GOLGA1: variants seen among roughly 807,000 people sequenced by gnomAD.
The protein encoded by GOLGA1 is golgin subfamily A member 1.
GOLGA1 carries 63 observed loss-of-function variants against 119.7 expected under a neutral mutation model. The observed-to-expected ratio is 0.53, with a 90% CI of 0.43 to 0.65. GOLGA1 has a LOEUF of 0.65. GOLGA1 is among the 30% of genes least tolerant of loss of function. The pLI is 0.00. For missense variants in GOLGA1, 798 were observed against 912.8 expected, an observed-to-expected ratio of 0.87 and a Z score of 1.62; for synonymous variants, 318 against 333.4, an observed-to-expected ratio of 0.95 and a Z score of 0.50.
Position 124,929,219 on chromosome 9 carries a change from C to T in GOLGA1, c.298G>A (p.Asp100Asn). The change falls in exon 5 of 23, where the codon GAT becomes AAT. Residue 100 changes from aspartate to asparagine, a missense_variant. Coordinates refer to ENST00000373555, the MANE Select transcript of GOLGA1 (RefSeq NM_002077.4). Reference protein sequence around the residue: ...KLEIALEKHQDSSMRKFQEQN... With the variant: ...KLEIALEKHQNSSMRKFQEQN... Reference sequence around the variant, plus strand: ...AAAGCAGGAAAAAAATACGTACAATCCTGGTGTTTTTCTAATGCAATTTCA... The same window carrying T: ...AAAGCAGGAAAAAAATACGTACAATTCTGGTGTTTTTCTAATGCAATTTCA... 1 of 1,577,628 alleles carries T rather than the reference C, an allele frequency of 6.3e-7. No individual in the cohort carries two copies. The highest frequency in any genetic ancestry group is 8.7e-7 in the Non-Finnish European group (1 of 1,146,946).
At chr9:124,892,997 C>T (rs1381921769) in intron 15 of GOLGA1, among the ~76,000 whole-genome samples, 1 of 151,312 alleles carries the variant, frequency 6.6e-6, no homozygotes, top group African/African-American at 2.4e-5. Flanking sequence ...TATATGTTTA[C>T]ATTTAAATTT....
At chr9:124,895,825 C>T (rs1046001651) in intron 15 of GOLGA1, among the ~76,000 whole-genome samples, 2 of 149,638 alleles carry the variant, frequency 1.3e-5, no homozygotes, top group Non-Finnish European at 3.0e-5. Context: ...CAACAGAGAA[C>T]CCTCCACAAC....
chr9:124,901,311 A>C (rs1476531287), intron 12 of GOLGA1, among the ~76,000 whole-genome samples: 1 of 126,690 alleles, frequency 7.9e-6, no homozygotes, highest in African/African-American at 3.1e-5. Context: ...TCACTCTGTC[A>C]TCAGGCTGGA....
At chr9:124,910,343 G>T (rs1369873214) in intron 11 of GOLGA1, among the ~76,000 whole-genome samples, 1 of 152,204 alleles carries the variant, frequency 6.6e-6, no homozygotes, top group African/African-American at 2.4e-5. Context: ...GGGATTACAG[G>T]CGTGAGCCAC....
chr9:124,898,511 A>G, intron 15 of GOLGA1, 38 bp downstream of exon 15: 1 of 1,171,056 alleles, frequency 8.5e-7, no homozygotes, highest in South Asian at 1.2e-5. Flanking sequence ...AGAAAACATG[A>G]ACACTTTTAT....
At chr9:124,906,116 AAAATAAATAAAT>A (rs60890510) in intron 12 of GOLGA1, among the ~76,000 whole-genome samples, 3 of 145,038 alleles carry the variant, frequency 2.1e-5, no homozygotes, top group East Asian at 2.1e-4. Flanking sequence ...GTGTCTCCAA[AAAATAAATAAAT>A]AAATAAATAA....
Position 124,889,230 on chromosome 9 carries a change from C to T in GOLGA1, c.1674G>A (p.Glu558=), listed in dbSNP as rs1588058819. ...ELEALRTLKA[E]EAAVVAEQED... is the part of the protein sequence containing the mutation. ...CCTGCTCCGCGACCACTGCAGCCTC[C>T]TCCGCCTTGAGGGTCCTCAGGGCCT... is the stretch of plus-strand genomic sequence containing the variant. The change falls in exon 18 of 23, where the codon GAG becomes GAA. Residue 558 remains glutamate, a synonymous_variant. Coordinates refer to ENST00000373555, the MANE Select transcript of GOLGA1 (RefSeq NM_002077.4). 6.2e-7 allele frequency: 1 copy of T among 1,613,714 alleles called. No individual in the cohort carries two copies. The highest frequency in any genetic ancestry group is 8.5e-7 in the Non-Finnish European group (1 of 1,179,932).
At chr9:124,945,291 C>G (rs1350518719), upstream of GOLGA1, 1 of 152,212 alleles carries the variant, frequency 6.6e-6, no homozygotes, top group East Asian at 1.9e-4. Context: ...CACAGTGGCT[C>G]ACACCTGTAA....
At position 124,926,708 on chromosome 9, in the gene GOLGA1, C is replaced by T. The variant is rs762324481; in HGVS notation, c.432+1G>A. 6 of 1,579,236 alleles carry T rather than the reference C, an allele frequency of 3.8e-6. No individual in the cohort carries two copies. In the South Asian group the frequency reaches 5.5e-5, roughly 15 times the overall value. ...TGAGACAAAAATAAAGATGAACTAA[C>T]CTTTTCAAGCTGATCCATCTTTTCT... On this transcript the variant is annotated splice_donor_variant, in intron 7 of 22. Transcript: ENST00000373555. LOFTEE classifies it high-confidence loss of function.
Position 124,912,029 on chromosome 9 carries a change from G to A in GOLGA1, c.844-3C>T, listed in dbSNP as rs1830351187. 1 of 1,612,056 alleles carries A rather than the reference G, an allele frequency of 6.2e-7. No homozygotes were observed. On this transcript the variant is annotated splice_polypyrimidine_tract_variant and splice_region_variant and intron_variant, in intron 10 of 22. Transcript: ENST00000373555. Reference sequence around the variant, plus strand: ...TTCTCTTGAGTTTCAGCAGTGACCTGCAGGTGAAAGCAGAGATCACTCTAT... The same window carrying A: ...TTCTCTTGAGTTTCAGCAGTGACCTACAGGTGAAAGCAGAGATCACTCTAT...
At position 124,936,834 on chromosome 9, in the gene GOLGA1, T is replaced by C. The variant is rs188918281; in HGVS notation, c.135+1743A>G. On this transcript the variant is annotated intron_variant, in intron 3 of 22. Transcript: ENST00000373555. ...TTTTATAAGCATGTTGAATTAAATT[T>C]TAAAAAAGGAAATCCAAGAAGTCTA... Among the ~76,000 whole-genome samples the C allele has an allele frequency of 2.2e-3, 342 of 152,284 alleles. 1 individual carries two copies. Among genetic ancestry groups the C allele is most frequent in the African/African-American group, 7.9e-3 (329 of 41,564 alleles).
intron 8 of GOLGA1, 76 bp downstream of exon 8, chr9:124,923,019 T>G: frequency 1.1e-6 from 1 of 910,654 alleles, no homozygotes; most frequent in Non-Finnish European, 1.8e-6. Context: ...TATCAGCAAT[T>G]AGAGAGTGAT....
At chr9:124,912,634 C>G (rs558726672) in intron 10 of GOLGA1, among the ~76,000 whole-genome samples, 64 of 152,328 alleles carry the variant, frequency 4.2e-4, no homozygotes, top group Admixed American at 7.8e-4. Context: ...CATCCACCTC[C>G]TGGGTTTACG....
At chr9:124,899,700 G>A (rs1238584708) in intron 13 of GOLGA1, among the ~76,000 whole-genome samples, 1 of 152,224 alleles carries the variant, frequency 6.6e-6, no homozygotes, top group African/African-American at 2.4e-5. Flanking sequence ...CCATCCTCAA[G>A]GTGTGTGGGG....
At chr9:124,900,598 G>T (rs1303759804) in intron 12 of GOLGA1, 51 bp from the exon 13 acceptor site, 13 of 837,796 alleles carry the variant, frequency 1.6e-5, no homozygotes, top group Non-Finnish European at 2.4e-5. Flanking sequence ...CTGAAGAGTG[G>T]TAACAAATGG....
chr9:124,905,673 C>T (rs1052386380), intron 12 of GOLGA1, among the ~76,000 whole-genome samples: 1 of 151,930 alleles, frequency 6.6e-6, no homozygotes, highest in Non-Finnish European at 1.5e-5. Flanking sequence ...ATAAAGTTGT[C>T]ATTTTTTCAT....
At chr9:124,935,042 T>G (rs902324156) in intron 3 of GOLGA1, among the ~76,000 whole-genome samples, 1 of 151,982 alleles carries the variant, frequency 6.6e-6, no homozygotes, top group East Asian at 1.9e-4. Context: ...AAGAGATCCC[T>G]GTCTCAAAGA....
At position 124,881,941 on chromosome 9, in the gene GOLGA1, TC is replaced by T; in HGVS notation, c.1978del (p.Asp660IlefsTer28). On this transcript the variant is annotated frameshift_variant, in exon 21 of 23. Coordinates refer to ENST00000373555, the MANE Select transcript of GOLGA1 (RefSeq NM_002077.4). LOFTEE classifies it high-confidence loss of function. The surrounding 1 kb of genome is among the most constrained non-coding windows in gnomAD (Gnocchi z 4.9). ...CTCCCGGACTTCGAAGAGCTCATTA[TC>T]GGGTCTGATTTTCTGAAAAACCAGT... ...TLQKELKIRP[D>X]NELFEVREKP... 1 of 1,605,720 alleles carries T rather than the reference TC, an allele frequency of 6.2e-7. No individual in the cohort carries two copies.
At chr9:124,947,121 CAA>C (rs1159129295) in intron 1 of GOLGA1, 2 of 152,096 alleles carry the variant, frequency 1.3e-5, no homozygotes, top group Non-Finnish European at 2.9e-5. Context: ...ATAAAAATGA[CAA>C]CTGGGAATAT....
Sources: allele counts gnomAD v4.1 joint callset (sites outside exome capture counted in the v4.1 genomes callset), GRCh38; gene constraint gnomAD v4.1.1; non-coding constraint Gnocchi (gnomAD v3.1); transcripts MANE v1.5; gene names NCBI Gene and HGNC (gene_info 2026-07-23, HGNC 2026-07-21).